RIMS2: variants seen among roughly 807,000 people sequenced by gnomAD.
RIMS2 encodes regulating synaptic membrane exocytosis protein 2.
RIMS2 carries 59 observed loss-of-function variants against 174.4 expected under a neutral mutation model. That is an observed-to-expected ratio of 0.34 (90% CI 0.27 to 0.42). The LOEUF (loss-of-function observed/expected upper bound fraction) is 0.42. Ranked by LOEUF, RIMS2 falls within the 10% of genes least tolerant of loss-of-function variation. The pLI is 1.00. For missense variants in RIMS2, 1,620 were observed against 1,666.3 expected (o/e 0.97, Z 0.48); for synonymous variants, 606 against 572.5 (o/e 1.06, Z -0.84).
chr8:103,663,294 G>A (rs1395822470), intron 1 of RIMS2, among the ~76,000 whole-genome samples: 1 of 152,120 alleles, frequency 6.6e-6, no homozygotes, highest in East Asian at 1.9e-4. Context: ...TTAAGGAGGT[G>A]TGTTACAATA....
intron 2 of RIMS2, among the ~76,000 whole-genome samples, chr8:103,757,373 T>G (rs2098035564): frequency 6.6e-6 from 1 of 152,232 alleles, no homozygotes; most frequent in Non-Finnish European, 1.5e-5. Flanking sequence ...TGAATTTGAT[T>G]AATTTGATGA....
At chr8:103,696,787 T>C (rs66956359) in intron 1 of RIMS2, among the ~76,000 whole-genome samples, 26,278 of 140,640 alleles carry the variant, frequency 0.19, 2,501 homozygotes, top group African/African-American at 0.25. Flanking sequence ...TGCTAGACCC[T>C]GGGAGGCAGA....
At chr8:103,794,351 C>A (rs912983984) in intron 3 of RIMS2, among the ~76,000 whole-genome samples, 52 of 152,008 alleles carry the variant, frequency 3.4e-4, no homozygotes, top group Non-Finnish European at 4.0e-4. Context: ...CCTATTTAAT[C>A]AATGGTGCTG....
intron 19 of RIMS2, among the ~76,000 whole-genome samples, chr8:104,241,582 G>A (rs556458557): frequency 1.1e-4 from 16 of 152,138 alleles, no homozygotes; most frequent in South Asian, 6.2e-4. Flanking sequence ...TTTCTAAGTC[G>A]TATGTTTCTT....
intron 19 of RIMS2, among the ~76,000 whole-genome samples, chr8:104,060,756 T>C (rs2096969327): frequency 1.3e-5 from 2 of 152,192 alleles, no homozygotes; most frequent in African/African-American, 4.8e-5. Flanking sequence ...TCCCAGAGAT[T>C]GTGGTATGTT....
chr8:104,064,597 T>C (rs1427549099), intron 19 of RIMS2, among the ~76,000 whole-genome samples: 1 of 152,038 alleles, frequency 6.6e-6, no homozygotes, highest in Admixed American at 6.6e-5. Context: ...AGAGGGCCAT[T>C]TCCACCATAA....
chr8:103,861,076 C>T (rs1214658947), intron 3 of RIMS2, among the ~76,000 whole-genome samples: 3 of 151,922 alleles, frequency 2.0e-5, no homozygotes, highest in Non-Finnish European at 4.4e-5. Flanking sequence ...TTGCCCATCA[C>T]CCAAATAGTG....
chr8:103,679,411 C>T (rs2096852498), intron 1 of RIMS2, among the ~76,000 whole-genome samples: 1 of 151,920 alleles, frequency 6.6e-6, no homozygotes. Flanking sequence ...GTGGTATGAC[C>T]TCACAGTGGC....
In RIMS2 at chr8:103,594,116, G is replaced by C. The variant is rs145579411; in HGVS notation, c.176+93054G>C. On this transcript the variant is annotated intron_variant, in intron 1 of 23. Transcript: ENST00000504942. ...CACGATTATTTTTGGGCGTGTACAT[G>C]TGCAGAACAGTGAAAAATTTGAGTA... 4.2e-3 allele frequency among the ~76,000 whole-genome samples: 635 copies of C among 151,732 alleles called. 3 individuals carry two copies. The highest frequency in any genetic ancestry group is 0.015 in the African/African-American group (608 of 41,486).
intron 19 of RIMS2, among the ~76,000 whole-genome samples, chr8:104,145,816 G>A (rs1178136989): frequency 1.3e-5 from 2 of 151,670 alleles, no homozygotes; most frequent in Admixed American, 6.6e-5. Context: ...GAGCTAGATC[G>A]CGCCATTGCA....
At chr8:103,895,098 G>T (rs1212039349) in intron 4 of RIMS2, among the ~76,000 whole-genome samples, 3 of 149,676 alleles carry the variant, frequency 2.0e-5, no homozygotes, top group African/African-American at 4.9e-5. Flanking sequence ...CACTTTTTAA[G>T]CAATACAATT....
intron 19 of RIMS2, among the ~76,000 whole-genome samples, chr8:104,040,995 A>C (rs773412933): frequency 1.3e-5 from 2 of 151,708 alleles, no homozygotes; most frequent in Non-Finnish European, 3.0e-5. Context: ...CATGCAACTA[A>C]CACTGTTTTT....
chr8:104,154,293 G>A (rs2098708148), intron 19 of RIMS2, among the ~76,000 whole-genome samples: 2 of 152,218 alleles, frequency 1.3e-5, no homozygotes, highest in African/African-American at 2.4e-5. Context: ...TTCTGTTACA[G>A]TCTAGAATAG....
At chr8:103,792,815 T>A (rs1176054700) in intron 3 of RIMS2, among the ~76,000 whole-genome samples, 1 of 151,718 alleles carries the variant, frequency 6.6e-6, no homozygotes, top group Non-Finnish European at 1.5e-5. Context: ...TCTATGCAAA[T>A]AAACTAGAAA....
intron 19 of RIMS2, among the ~76,000 whole-genome samples, chr8:104,065,098 G>A (rs2097081511): frequency 6.6e-6 from 1 of 151,972 alleles, no homozygotes; most frequent in Admixed American, 6.6e-5. Context: ...TATATAAACA[G>A]ATGGAGAAAA....
At chr8:103,663,828 C>G (rs527567743) in intron 1 of RIMS2, among the ~76,000 whole-genome samples, 9 of 152,276 alleles carry the variant, frequency 5.9e-5, no homozygotes, top group African/African-American at 1.9e-4. Context: ...ATAGCCAAGA[C>G]AGTCCTAAGC....
intron 17 of RIMS2, among the ~76,000 whole-genome samples, chr8:104,010,764 G>A (rs1037415890): frequency 2.0e-5 from 3 of 152,226 alleles, no homozygotes; most frequent in Admixed American, 6.5e-5. Context: ...AAATTTACAG[G>A]TGAGGGGGCC....
At position 103,937,116 on chromosome 8, in the gene RIMS2, GATAAATAA is replaced by G. The variant is rs140284516; in HGVS notation, c.2547+415_2547+422del. Among the ~76,000 whole-genome samples the G allele has an allele frequency of 8.5e-3, 1,273 of 150,272 alleles. 21 individuals are homozygous for G. The highest frequency in any genetic ancestry group is 0.029 in the African/African-American group (1,211 of 41,110). On this transcript the variant is annotated intron_variant, in intron 13 of 23. Transcript: ENST00000504942. ...CTGTCTCAAAAAAAAAATAATTAAAGATAAATAAATAAATAAATAAATAAATAATAGAT... is the reference window on the plus strand; with the variant it reads ...CTGTCTCAAAAAAAAAATAATTAAAGATAAATAAATAAATAAATAATAGAT...
intron 4 of RIMS2, among the ~76,000 whole-genome samples, chr8:103,895,781 T>C (rs2099274162): frequency 6.6e-6 from 1 of 151,598 alleles, no homozygotes; most frequent in Non-Finnish European, 1.5e-5. Flanking sequence ...CTTTTTTCTT[T>C]TCCTTTTTAT....
Sources: allele counts gnomAD v4.1 joint callset (sites outside exome capture counted in the v4.1 genomes callset), GRCh38; gene constraint gnomAD v4.1.1; transcripts MANE v1.5; gene names NCBI Gene and HGNC (gene_info 2026-07-23, HGNC 2026-07-21).